Variants in RRM2 observed in about 807,000 individuals in gnomAD.
The protein encoded by RRM2 is ribonucleotide reductase regulatory subunit M2, also known as ribonucleoside-diphosphate reductase subunit M2.
RRM2 carries 6 observed loss-of-function variants against 45.9 expected under a neutral mutation model. The observed-to-expected ratio is 0.13, with a 90% CI of 0.07 to 0.26. The LOEUF (loss-of-function observed/expected upper bound fraction) is 0.26, where lower values mean the gene tolerates loss of function less well. RRM2 is among the 10% of genes least tolerant of loss of function. The pLI is 1.00. For missense variants in RRM2, 343 were observed against 489.5 expected, an observed-to-expected ratio of 0.70 and a Z score of 2.82; for synonymous variants, 177 against 173.0, an observed-to-expected ratio of 1.02 and a Z score of -0.18.
chr2:10,131,606 G>T (rs1311694081), downstream of RRM2, among the ~76,000 whole-genome samples: 1 of 152,166 alleles, frequency 6.6e-6, no homozygotes, highest in Non-Finnish European at 1.5e-5. Flanking sequence ...TGGCATGGTG[G>T]CACACGCCTG....
intron 3 of RRM2, among the ~76,000 whole-genome samples, chr2:10,175,080 G>T (rs949969699): frequency 6.6e-6 from 1 of 152,120 alleles, no homozygotes; most frequent in Non-Finnish European, 1.5e-5. Context: ...TAAAAATGTT[G>T]ATTTAGATAT....
chr2:10,206,608 A>G (rs1490068150), intron 3 of RRM2, among the ~76,000 whole-genome samples: 1 of 152,244 alleles, frequency 6.6e-6, no homozygotes, highest in East Asian at 1.9e-4. Flanking sequence ...AAGATAAGAC[A>G]GTGAAGGGGA....
At chr2:10,147,639 G>A (rs1055046944) in intron 3 of RRM2, among the ~76,000 whole-genome samples, 1 of 152,220 alleles carries the variant, frequency 6.6e-6, no homozygotes, top group Admixed American at 6.5e-5. Context: ...GACTACAGGT[G>A]TGAGCCTTTG....
At chr2:10,146,364 G>T (rs1012944719) in intron 3 of RRM2, among the ~76,000 whole-genome samples, 2 of 152,246 alleles carry the variant, frequency 1.3e-5, no homozygotes, top group African/African-American at 4.8e-5. Context: ...AGAGTGTATG[G>T]AGAAGGGACT....
At chr2:10,124,484 CATAA>C (rs1419653755) in intron 4 of RRM2, among the ~76,000 whole-genome samples, 1 of 152,122 alleles carries the variant, frequency 6.6e-6, no homozygotes, top group Non-Finnish European at 1.5e-5. Flanking sequence ...TCTTTCTTGA[CATAA>C]ATTAATTAGG....
intron 3 of RRM2, among the ~76,000 whole-genome samples, chr2:10,162,849 CAG>C (rs1663594800): frequency 6.6e-6 from 1 of 152,228 alleles, no homozygotes; most frequent in South Asian, 2.1e-4. Context: ...CCATCCATGA[CAG>C]GGGTTCTTTA....
chr2:10,191,182 C>A (rs551319995), intron 3 of RRM2, among the ~76,000 whole-genome samples: 3 of 152,156 alleles, frequency 2.0e-5, no homozygotes, highest in Non-Finnish European at 4.4e-5. Flanking sequence ...CAACACTGCT[C>A]GTGCCTGGAG....
At chr2:10,128,800 A>G in intron 7 of RRM2, 48 bp from the exon 8 acceptor site, 1 of 1,277,480 alleles carries the variant, frequency 7.8e-7, no homozygotes, top group Non-Finnish European at 1.1e-6. Context: ...ATTCCATGTT[A>G]ATGACAGAAG....
chr2:10,144,180 G>C (rs1572499088), intron 3 of RRM2, among the ~76,000 whole-genome samples: 2 of 152,292 alleles, frequency 1.3e-5, no homozygotes, highest in African/African-American at 4.8e-5. Context: ...AATCCTCAGG[G>C]GACCCCAACT....
intron 3 of RRM2, among the ~76,000 whole-genome samples, chr2:10,199,799 A>AAAAAAAC (rs1558406233): frequency 8.0e-5 from 12 of 149,694 alleles, no homozygotes; most frequent in African/African-American, 2.7e-4. Flanking sequence ...AAAAAAAAAA[A>AAAAAAAC]AAAAAAAAAA....
At chr2:10,161,351 G>A (rs1226250944) in intron 3 of RRM2, among the ~76,000 whole-genome samples, 1 of 152,148 alleles carries the variant, frequency 6.6e-6, no homozygotes, top group Non-Finnish European at 1.5e-5. Context: ...GAGCCACTGC[G>A]CCTGGCCTGG....
chr2:10,160,722 G>A (rs1303537972), intron 3 of RRM2, among the ~76,000 whole-genome samples: 1 of 152,146 alleles, frequency 6.6e-6, no homozygotes, highest in Admixed American at 6.5e-5. Context: ...TGCCTGCTCC[G>A]CCCACATCTC....
chr2:10,193,641 C>T (rs13383316), intron 3 of RRM2, among the ~76,000 whole-genome samples: 17,705 of 152,226 alleles, frequency 0.12, 1,762 homozygotes, highest in East Asian at 0.34. Context: ...ACCACACGCC[C>T]GGGGACCTCC....
intron 3 of RRM2, among the ~76,000 whole-genome samples, chr2:10,164,472 A>G (rs1663639947): frequency 6.6e-6 from 1 of 152,204 alleles, no homozygotes; most frequent in African/African-American, 2.4e-5. Flanking sequence ...TGTAACGACC[A>G]ATGAACCAGC....
rs1359583974 is a variant in RRM2 at position 10,204,490 on chromosome 2, G to A, written n.483-5821G>A. Among the ~76,000 whole-genome samples the A allele has an allele frequency of 5.3e-5, 8 of 152,310 alleles. No individual in the cohort carries two copies. Among genetic ancestry groups the A allele is most frequent in the Admixed American group, 2.6e-4 (4 of 15,304 alleles). Reference sequence around the variant, plus strand: ...AGCCAAGTCTCTGATGGAGCCCACCGGAGCAGCCTACCTGGCTTCTGTGGT... The same window carrying A: ...AGCCAAGTCTCTGATGGAGCCCACCAGAGCAGCCTACCTGGCTTCTGTGGT... On this transcript the variant is annotated intron_variant and non_coding_transcript_variant, in intron 3 of 3. Coordinates refer to the RRM2 transcript ENST00000381786. This position sits in a 1 kb window ranked among gnomAD's most constrained non-coding sequence, Gnocchi z 4.0.
intron 3 of RRM2, among the ~76,000 whole-genome samples, chr2:10,150,182 G>A (rs1367430048): frequency 6.6e-6 from 1 of 151,856 alleles, no homozygotes; most frequent in Non-Finnish European, 1.5e-5. Context: ...GCGTGGTGGT[G>A]CAAGCCTGTA....
chr2:10,180,737 C>G (rs1044027303), intron 3 of RRM2, among the ~76,000 whole-genome samples: 5 of 151,388 alleles, frequency 3.3e-5, no homozygotes, highest in African/African-American at 1.2e-4. Flanking sequence ...TCTCTGTTCC[C>G]CCTGTAACAC....
upstream of RRM2, among the ~76,000 whole-genome samples, chr2:10,138,418 T>C (rs888359568): frequency 5.2e-4 from 79 of 152,218 alleles, no homozygotes; most frequent in South Asian, 1.0e-3. Context: ...CCGCCTGCCT[T>C]GGCCTCCCAA....
chr2:10,129,459 A>C lies in RRM2; in HGVS notation c.*73A>C, dbSNP rs975301006. ...CATAAGAAAAATCAGCTGAAGTGTT[A>C]CCAACTAGCCACACCATGAATTGTC... On this transcript the variant is annotated 3_prime_UTR_variant, in exon 10 of 10. Coordinates refer to ENST00000304567, the MANE Select transcript of RRM2 (RefSeq NM_001034.4). The surrounding 1 kb of genome is among the most constrained non-coding windows in gnomAD (Gnocchi z 4.8). 3 of 1,453,340 alleles carry C rather than the reference A, an allele frequency of 2.1e-6. No individual in the cohort carries two copies. The African/African-American group carries it at 4.2e-5, about 21-fold the overall frequency. 90.0% of individuals were successfully genotyped at this position (1,453,340 alleles called of 1,614,324 possible).
Sources: allele counts gnomAD v4.1 joint callset (sites outside exome capture counted in the v4.1 genomes callset), GRCh38; gene constraint gnomAD v4.1.1; non-coding constraint Gnocchi (gnomAD v3.1); transcripts MANE v1.5; gene names NCBI Gene and HGNC (gene_info 2026-07-23, HGNC 2026-07-21).